The following IL17RD variants were observed in gnomAD, a reference collection of about 807,000 sequenced individuals.
The protein encoded by IL17RD is interleukin 17 receptor D, also known as interleukin-17 receptor D.
IL17RD carries 52 observed loss-of-function variants against 80.5 expected under a neutral mutation model. The observed-to-expected ratio is 0.65, with a 90% CI of 0.52 to 0.81. IL17RD has a LOEUF of 0.81. IL17RD is among the 40% of genes least tolerant of loss of function. IL17RD has a pLI of 0.00. For synonymous variants in IL17RD, 416 were observed against 391.8 expected (o/e 1.06, Z -0.73); for missense variants, 1,024 against 955.1 (o/e 1.07, Z -0.95).
intron 1 of IL17RD, among the ~76,000 whole-genome samples, chr3:57,148,577 T>C (rs961897819): frequency 6.6e-6 from 1 of 152,180 alleles, no homozygotes; most frequent in Non-Finnish European, 1.5e-5. Context: ...ACTCCCTGAA[T>C]CTCATTCTTT....
At chr3:57,146,639 A>C (rs575774953) in intron 1 of IL17RD, among the ~76,000 whole-genome samples, 2 of 151,106 alleles carry the variant, frequency 1.3e-5, no homozygotes, top group African/African-American at 4.9e-5. Context: ...AATCCCAGCT[A>C]CTCAGGAGGC....
At chr3:57,105,647 A>G (rs1706944862) in intron 7 of IL17RD, among the ~76,000 whole-genome samples, 1 of 150,774 alleles carries the variant, frequency 6.6e-6, no homozygotes, top group African/African-American at 2.4e-5. Flanking sequence ...AGGCTATATC[A>G]CCACCAGGAC....
At chr3:57,115,797 A>C (rs928074634) in intron 2 of IL17RD, among the ~76,000 whole-genome samples, 14 of 152,286 alleles carry the variant, frequency 9.2e-5, no homozygotes, top group African/African-American at 3.1e-4. Flanking sequence ...AAAGATCATC[A>C]GTTCCATCAA....
chr3:57,165,061 A>T, intron 1 of IL17RD, 100 bp downstream of exon 1: 2 of 1,371,152 alleles, frequency 1.5e-6, no homozygotes, highest in Non-Finnish European at 1.9e-6. Flanking sequence ...CCCCGCGAAG[A>T]GCAGACAGGT....
intron 1 of IL17RD, among the ~76,000 whole-genome samples, chr3:57,121,657 TAAA>T (rs1390531880): frequency 3.3e-5 from 5 of 152,134 alleles, no homozygotes; most frequent in Admixed American, 2.6e-4. Flanking sequence ...TCACCTGAAC[TAAA>T]ACACTTTGGA....
chr3:57,103,090 C>A lies in IL17RD; in HGVS notation c.868+1G>T. Reference sequence around the variant, plus strand: ...CAAATTTCAAACAAAAAAGCACCTACCTGGCTTTAAGGCATAATGCATCAC... The same window carrying A: ...CAAATTTCAAACAAAAAAGCACCTAACTGGCTTTAAGGCATAATGCATCAC... On this transcript the variant is annotated splice_donor_variant, in intron 9 of 12. Transcript: ENST00000296318. LOFTEE classifies it high-confidence loss of function. 6.3e-7 allele frequency: 1 copy of A among 1,594,818 alleles called. No individual in the cohort carries two copies. The highest frequency in any genetic ancestry group is 2.2e-5 in the East Asian group (1 of 44,614).
intron 10 of IL17RD, 114 bp downstream of exon 10, chr3:57,102,365 G>A (rs1485145425): frequency 6.5e-6 from 3 of 461,388 alleles, no homozygotes; most frequent in Admixed American, 7.7e-5. Context: ...TAGGAGCTAT[G>A]AGGCTTCCCA....
At chr3:57,164,452 C>G (rs1307238203) in intron 1 of IL17RD, among the ~76,000 whole-genome samples, 1 of 152,236 alleles carries the variant, frequency 6.6e-6, no homozygotes, top group African/African-American at 2.4e-5. Flanking sequence ...CCAGTCTCGT[C>G]TCAGGCACCT....
chr3:57,142,155 C>T (rs544855672), intron 1 of IL17RD, among the ~76,000 whole-genome samples: 6 of 152,300 alleles, frequency 3.9e-5, no homozygotes, highest in African/African-American at 1.2e-4. Flanking sequence ...GGCAAAGCTT[C>T]GGACTAGCTA....
chr3:57,163,593 C>A (rs1290642060), intron 1 of IL17RD, among the ~76,000 whole-genome samples: 1 of 151,960 alleles, frequency 6.6e-6, no homozygotes, highest in Non-Finnish European at 1.5e-5. Context: ...CATTCAAAAG[C>A]CAATAGGAGT....
chr3:57,152,494 C>A (rs975716841), intron 1 of IL17RD, among the ~76,000 whole-genome samples: 1 of 152,178 alleles, frequency 6.6e-6, no homozygotes, highest in African/African-American at 2.4e-5. Flanking sequence ...AACAAACGCC[C>A]GGCACACAGG....
At chr3:57,169,340 T>G, upstream of IL17RD, 1 of 473,500 alleles carries the variant, frequency 2.1e-6, no homozygotes, top group Non-Finnish European at 4.2e-6. Context: ...GCACTCTGTC[T>G]GGCACGCTTC....
At chr3:57,107,844 T>C (rs1260669235) in intron 5 of IL17RD, among the ~76,000 whole-genome samples, 1 of 152,126 alleles carries the variant, frequency 6.6e-6, no homozygotes, top group African/African-American at 2.4e-5. Context: ...ACTAAATTCT[T>C]TGTAGGGTTG....
chr3:57,143,441 G>A (rs1707869343), intron 1 of IL17RD, among the ~76,000 whole-genome samples: 1 of 152,202 alleles, frequency 6.6e-6, no homozygotes, highest in South Asian at 2.1e-4. Flanking sequence ...AGCCAGTCCT[G>A]AAGGTGCCCT....
chr3:57,111,563 A>C (rs1707098271), intron 3 of IL17RD, among the ~76,000 whole-genome samples: 1 of 152,172 alleles, frequency 6.6e-6, no homozygotes, highest in African/African-American at 2.4e-5. Context: ...TTTTAAAACA[A>C]ATCCTTAGTA....
In IL17RD at chr3:57,091,858, TGACACCAGG is replaced by T. The variant is rs1244482345; in HGVS notation, c.*4526_*4534del. 6.6e-6 allele frequency: 1 copy of T among 152,196 alleles called. No individual in the cohort carries two copies. Among genetic ancestry groups the T allele is most frequent in the Non-Finnish European group, 1.5e-5 (1 of 68,024 alleles). 9.4% of individuals were successfully genotyped at this position (152,196 alleles called of 1,614,324 possible). A position where few individuals can be genotyped will look rare whatever the true frequency, so the allele number is the denominator to read the frequency against. On this transcript the variant is annotated 3_prime_UTR_variant, in exon 13 of 13. Transcript: ENST00000296318. ...GGAATAATTCAGGCACAGCCCTGTC[TGACACCAGG>T]GGGAGAATATGCTAGATAATCTAAA... is the stretch of plus-strand genomic sequence containing the variant.
chr3:57,146,820 CTT>C (rs761583197), intron 1 of IL17RD, among the ~76,000 whole-genome samples: 10 of 101,210 alleles, frequency 9.9e-5, no homozygotes, highest in African/African-American at 1.5e-4. Context: ...GAGAGGTATT[CTT>C]TTTTTTTTTT....
upstream of IL17RD, among the ~76,000 whole-genome samples, chr3:57,168,215 A>G (rs1361201659): frequency 6.6e-6 from 1 of 152,208 alleles, no homozygotes; most frequent in Non-Finnish European, 1.5e-5. Context: ...CAAGGAGAAC[A>G]TTGGTTAGAG....
chr3:57,104,973 G>A (rs1436492514), intron 7 of IL17RD, among the ~76,000 whole-genome samples: 1 of 152,134 alleles, frequency 6.6e-6, no homozygotes, highest in Non-Finnish European at 1.5e-5. Flanking sequence ...ACCACTCCCA[G>A]TTTAAAGGCT....
Sources: allele counts gnomAD v4.1 joint callset (sites outside exome capture counted in the v4.1 genomes callset), GRCh38; gene constraint gnomAD v4.1.1; transcripts MANE v1.5; gene names NCBI Gene and HGNC (gene_info 2026-07-23, HGNC 2026-07-21).